The following TRPC5 variants were observed in gnomAD, a reference collection of about 807,000 sequenced individuals.
The protein encoded by TRPC5 is transient receptor potential cation channel subfamily C member 5.
A neutral mutation model predicts 56.5 loss-of-function variants in TRPC5; 9 were observed. The observed-to-expected ratio is 0.16, with a 90% CI of 0.10 to 0.28. The LOEUF (loss-of-function observed/expected upper bound fraction) is 0.28, where lower values mean the gene tolerates loss of function less well. TRPC5 is among the 10% of genes least tolerant of loss of function. The pLI, the probability that TRPC5 is intolerant of heterozygous loss-of-function variation, is 1.00. For missense variants in TRPC5, 469 were observed against 748.9 expected, an observed-to-expected ratio of 0.63 and a Z score of 4.36; for synonymous variants, 282 against 278.5, an observed-to-expected ratio of 1.01 and a Z score of -0.13.
chrX:111,969,029 C>A lies in TRPC5; in HGVS notation c.-21-16588G>T, dbSNP rs1057272074. 4.0e-4 allele frequency among the ~76,000 whole-genome samples: 41 copies of A among 103,502 alleles called. No homozygotes were observed. In the East Asian group the frequency reaches 1.0e-2, roughly 25 times the overall value. The allele number at this position is 103,502 out of a possible 115,157, so 89.9% of individuals were successfully genotyped here. ...ATAAAATAAAATAAAATAAAAACAACAAAAAAAATAAATAAATAACAAAAC... is the reference window on the plus strand; with the variant it reads ...ATAAAATAAAATAAAATAAAAACAAAAAAAAAAATAAATAAATAACAAAAC... On this transcript the variant is annotated intron_variant, in intron 1 of 10. Transcript: ENST00000262839.
rs1053076035 is a variant in TRPC5 at position 112,040,080 on chromosome X, T to C, written c.-22+41799A>G. Among the ~76,000 whole-genome samples, 2 of 112,174 alleles carry C rather than the reference T, an allele frequency of 1.8e-5. 1 individual carries two copies. Among genetic ancestry groups the C allele is most frequent in the Admixed American group, 1.9e-4 (2 of 10,575 alleles). On this transcript the variant is annotated intron_variant, in intron 1 of 10. Transcript: ENST00000262839. ...AAATAAGAGCCCTCAATGGGCAGAATCTTCTTGTACTCTTACATCTAACAG... is the reference window on the plus strand; with the variant it reads ...AAATAAGAGCCCTCAATGGGCAGAACCTTCTTGTACTCTTACATCTAACAG...
chrX:112,081,124 G>C (rs1267807353), intron 1 of TRPC5, among the ~76,000 whole-genome samples: 1 of 112,042 alleles, frequency 8.9e-6, no homozygotes, highest in East Asian at 2.8e-4. Context: ...AAAGAGCCCA[G>C]GTTGTAATAG....
intron 7 of TRPC5, among the ~76,000 whole-genome samples, chrX:111,808,058 G>T (rs1921579164): frequency 9.3e-6 from 1 of 108,015 alleles, no homozygotes; most frequent in Non-Finnish European, 1.9e-5. Context: ...CCACCACTAG[G>T]ACTTCCCTGG....
chrX:111,859,246 G>A (rs905035293), intron 3 of TRPC5, among the ~76,000 whole-genome samples: 7 of 111,707 alleles, frequency 6.3e-5, no homozygotes, highest in Non-Finnish European at 1.1e-4. Flanking sequence ...TCCAGGGGTC[G>A]ATTTTGGTAA....
rs1257360014 is a variant in TRPC5 at position 111,888,707 on chromosome X, A to AT, written c.900+23583_900+23584insA. ...AGACTCTATCTCAAAAAAAAAAAAA[A>AT]AAAAAAAAAAAAGAAAGAAAAGAAA... is the stretch of plus-strand genomic sequence containing the variant. On this transcript the variant is annotated intron_variant, in intron 3 of 10. Coordinates refer to ENST00000262839, the MANE Select transcript of TRPC5 (RefSeq NM_012471.3). Among the ~76,000 whole-genome samples the AT allele has an allele frequency of 2.9e-3, 303 of 104,245 alleles. 4 individuals are homozygous for AT. Among genetic ancestry groups the AT allele is most frequent in the African/African-American group, 0.011 (299 of 28,356 alleles). 90.5% of individuals were successfully genotyped at this position (104,245 alleles called of 115,157 possible). A position where few individuals can be genotyped will look rare whatever the true frequency, so the allele number is the denominator to read the frequency against.
intron 5 of TRPC5, among the ~76,000 whole-genome samples, chrX:111,850,367 A>T (rs1484203282): frequency 8.9e-6 from 1 of 111,930 alleles, no homozygotes; most frequent in Non-Finnish European, 1.9e-5. Context: ...CTCTAATAAA[A>T]TAAAGGATCT....
chrX:111,956,008 T>G (rs1420367929), intron 1 of TRPC5, among the ~76,000 whole-genome samples: 4 of 112,700 alleles, frequency 3.5e-5, no homozygotes, highest in Non-Finnish European at 5.6e-5. Flanking sequence ...AGAGGGCTTA[T>G]CATGTTCCCT....
Position 111,776,367 on chromosome X carries a change from C to T in TRPC5, c.2868G>A (p.Leu956=). The change falls in exon 11 of 11, where the codon TTG becomes TTA. Residue 956 remains leucine (L), a synonymous_variant. Coordinates refer to ENST00000262839, the MANE Select transcript of TRPC5 (RefSeq NM_012471.3). ...VFETWGEACD[L]LMHKWGDGQE... ...GTCCATCACCCCATTTGTGCATGAG[C>T]AAGTCACAAGCCTCTCCCCAAGTTT... 8.3e-7 allele frequency: 1 copy of T among 1,202,484 alleles called. No homozygotes were observed. Among genetic ancestry groups the T allele is most frequent in the Admixed American group, 2.2e-5 (1 of 44,691 alleles).
intron 1 of TRPC5, among the ~76,000 whole-genome samples, chrX:112,074,940 C>T (rs1232143227): frequency 8.9e-6 from 1 of 112,264 alleles, no homozygotes; most frequent in Non-Finnish European, 1.9e-5. Context: ...GGCATAACTG[C>T]CCCGTAACAA....
At chrX:111,959,164 T>C (rs1927310518) in intron 1 of TRPC5, among the ~76,000 whole-genome samples, 1 of 112,263 alleles carries the variant, frequency 8.9e-6, no homozygotes, top group Admixed American at 9.5e-5. Context: ...GTACTTTTGG[T>C]TTGTAAGCCC....
intron 2 of TRPC5, among the ~76,000 whole-genome samples, chrX:111,914,613 T>C (rs185668884): frequency 8.9e-6 from 1 of 112,137 alleles, no homozygotes; most frequent in East Asian, 2.8e-4. Flanking sequence ...GACTGCATAA[T>C]GGTCATTAAT....
chrX:112,006,198 G>A (rs113760714), intron 1 of TRPC5, among the ~76,000 whole-genome samples: 9,664 of 110,750 alleles, frequency 0.087, 662 homozygotes, highest in African/African-American at 0.24. Flanking sequence ...GATGGTGGTT[G>A]AGAGGTACAT....
At chrX:111,944,297 T>TGAAAGAGAGA (rs1400081627) in intron 2 of TRPC5, among the ~76,000 whole-genome samples, 1 of 87,650 alleles carries the variant, frequency 1.1e-5, no homozygotes, top group African/African-American at 5.3e-5. Context: ...TGTGTGTGTG[T>TGAAAGAGAGA]GTGTGTGAGA....
rs184051783 is a variant in TRPC5 at position 111,790,927 on chromosome X, G to A, written c.1897-8789C>T. Among the ~76,000 whole-genome samples the A allele has an allele frequency of 1.7e-3, 168 of 101,319 alleles. 1 individual carries two copies. Among genetic ancestry groups the A allele is most frequent in the African/African-American group, 5.2e-3 (146 of 28,118 alleles). The allele number at this position is 101,319 out of a possible 115,157, so 88.0% of individuals were successfully genotyped here. On this transcript the variant is annotated intron_variant, in intron 7 of 10. Transcript: ENST00000262839. ...TCCCAGCTGCTTGGGAGGCTGAGGCGCAGAATTGCTTGAACGCAGGAGGCA... is the reference window on the plus strand; with the variant it reads ...TCCCAGCTGCTTGGGAGGCTGAGGCACAGAATTGCTTGAACGCAGGAGGCA...
At chrX:111,848,837 T>G (rs143110669) in intron 5 of TRPC5, among the ~76,000 whole-genome samples, 117 of 112,063 alleles carry the variant, frequency 1.0e-3, no homozygotes, top group African/African-American at 3.5e-3. Context: ...AAACATGCAC[T>G]GCATTACTGT....
chrX:111,941,423 A>G (rs773847637), intron 2 of TRPC5, among the ~76,000 whole-genome samples: 14 of 112,218 alleles, frequency 1.2e-4, no homozygotes, highest in African/African-American at 3.9e-4. Context: ...GCTATAATCA[A>G]TATCAACAGT....
chrX:111,992,378 A>T (rs779573861), intron 1 of TRPC5, among the ~76,000 whole-genome samples: 1 of 111,589 alleles, frequency 9.0e-6, no homozygotes, highest in Admixed American at 9.6e-5. Flanking sequence ...AGCTTTAAGC[A>T]TTTGAAGATA....
intron 2 of TRPC5, among the ~76,000 whole-genome samples, chrX:111,914,408 T>G (rs1925913479): frequency 8.9e-6 from 1 of 112,132 alleles, no homozygotes; most frequent in Non-Finnish European, 1.9e-5. Flanking sequence ...CAACCCACAG[T>G]TACTGGCGAA....
chrX:111,870,856 G>A (rs192425133), intron 3 of TRPC5, among the ~76,000 whole-genome samples: 81 of 111,550 alleles, frequency 7.3e-4, no homozygotes, highest in Non-Finnish European at 1.2e-3. Flanking sequence ...AAGGGTCAAG[G>A]TCCCTCATTT....
Sources: gnomAD v4.1 joint callset for allele counts (sites outside exome capture counted in the v4.1 genomes callset) on GRCh38, gnomAD v4.1.1 for gene constraint, MANE v1.5 for transcripts, NCBI Gene and HGNC (gene_info 2026-07-23, HGNC 2026-07-21) for gene names.